The following CUL4A variants were observed in gnomAD, a reference collection of about 807,000 sequenced individuals.
The protein encoded by CUL4A is cullin-4A.
In CUL4A, 16 loss-of-function variants were observed where a neutral mutation model predicts 95.5. The ratio of observed to expected loss-of-function variants is 0.17; its 90% CI spans 0.11 to 0.25. The LOEUF (loss-of-function observed/expected upper bound fraction) is 0.25. Ranked by LOEUF, CUL4A falls within the 10% of genes least tolerant of loss-of-function variation. The pLI is 1.00. For missense variants in CUL4A, 610 were observed against 937.0 expected, an observed-to-expected ratio of 0.65 and a Z score of 4.56; for synonymous variants, 380 against 353.1, an observed-to-expected ratio of 1.08 and a Z score of -0.85.
rs374250725 is a variant in CUL4A at position 113,259,232 on chromosome 13, CTAAAG to C, written c.2032-1371_2032-1367del. ...TTCCTGTATTGCATAGTTAGAACCTCTAAAGTAATGTTTTTAAGGAATAGCAGTGC... is the reference window on the plus strand; with the variant it reads ...TTCCTGTATTGCATAGTTAGAACCTCTAATGTTTTTAAGGAATAGCAGTGC... On this transcript the variant is annotated intron_variant, in intron 18 of 19. Coordinates refer to ENST00000375440, the MANE Select transcript of CUL4A (RefSeq NM_001008895.4). 1.9e-4 allele frequency among the ~76,000 whole-genome samples: 29 copies of C among 152,278 alleles called. No individual in the cohort carries two copies. The South Asian group carries it at 5.8e-3, about 30-fold the overall frequency.
At chr13:113,232,763 A>C (rs2041400359) in intron 5 of CUL4A, among the ~76,000 whole-genome samples, 1 of 152,178 alleles carries the variant, frequency 6.6e-6, no homozygotes, top group South Asian at 2.1e-4. Context: ...AGCAGAGGAC[A>C]CTGGGAAGAG....
rs982185985 is a variant in CUL4A at position 113,213,479 on chromosome 13, G to C, written c.264+3391G>C. Among the ~76,000 whole-genome samples the C allele has an allele frequency of 2.4e-4, 5 of 20,464 alleles. No individual in the cohort carries two copies. In the Non-Finnish European group the frequency reaches 0.017, roughly 68 times the overall value. 13.4% of individuals were successfully genotyped at this position (20,464 alleles called of 152,430 possible). A position where few individuals can be genotyped will look rare whatever the true frequency, so the allele number is the denominator to read the frequency against. ...TAATACAGTTCTTGTACTGTGTCTT[G>C]ACTAGAAACGAGTCCCACCTGAACT... On this transcript the variant is annotated intron_variant, in intron 2 of 19. Transcript: ENST00000375440.
At chr13:113,245,457 A>C (rs1205495904) in intron 14 of CUL4A, among the ~76,000 whole-genome samples, 1 of 152,258 alleles carries the variant, frequency 6.6e-6, no homozygotes, top group African/African-American at 2.4e-5. Context: ...GGCTGAAGTG[A>C]GAAGATCACT....
At chr13:113,209,062 G>C (rs111235921), upstream of CUL4A, 2,819 of 240,672 alleles carry the variant, frequency 0.012, 92 homozygotes, top group African/African-American at 0.062. Context: ...GAGGGACATG[G>C]CGCGCGCTCC....
rs1566343303 is a variant in CUL4A at position 113,232,126 on chromosome 13, T to TGC, written c.513-1051_513-1050insGC. Among the ~76,000 whole-genome samples the TGC allele has an allele frequency of 2.0e-3, 252 of 128,080 alleles. 42 individuals are homozygous for TGC. The highest frequency in any genetic ancestry group is 8.6e-3 in the African/African-American group (209 of 24,348). 84.0% of individuals were successfully genotyped at this position (128,080 alleles called of 152,430 possible). ...CACTACCCGCCCACCACCATTACTG[T>TGC]CACCACTACCCGCCCACCACCATTA... On this transcript the variant is annotated intron_variant, in intron 5 of 19. Coordinates refer to ENST00000375440, the MANE Select transcript of CUL4A (RefSeq NM_001008895.4).
chr13:113,230,763 T>TATC (rs913000660), intron 5 of CUL4A, among the ~76,000 whole-genome samples: 64 of 142,148 alleles, frequency 4.5e-4, no homozygotes, highest in African/African-American at 1.4e-3. Flanking sequence ...TTTCAAAAAT[T>TATC]ATTATTATTA....
chr13:113,224,339 C>G (rs9549359), intron 3 of CUL4A, among the ~76,000 whole-genome samples: 7 of 150,924 alleles, frequency 4.6e-5, no homozygotes, highest in Admixed American at 2.0e-4. Flanking sequence ...GGTGACAGAG[C>G]GAGACTCCAT....
At position 113,229,590 on chromosome 13, in the gene CUL4A, G is replaced by T. The variant is rs770593446; in HGVS notation, c.512+71G>T. On this transcript the variant is annotated intron_variant, in intron 5 of 19. Transcript: ENST00000375440. ...GCTTTTCGTCCCGTTTGTGTCTTCC[G>T]CAGGCTAAGATGGTAAAGTGTGTGT... 9 of 1,268,126 alleles carry T rather than the reference G, an allele frequency of 7.1e-6. No individual in the cohort carries two copies. In the Admixed American group the frequency reaches 7.6e-5, roughly 11 times the overall value. The allele number at this position is 1,268,126 out of a possible 1,614,324, so 78.6% of individuals were successfully genotyped here.
chr13:113,230,877 C>G (rs539485325), intron 5 of CUL4A, among the ~76,000 whole-genome samples: 42 of 152,254 alleles, frequency 2.8e-4, no homozygotes, highest in South Asian at 1.0e-3. Flanking sequence ...CTCAAGTGAT[C>G]TTCCTGCGTT....
chr13:113,237,777 G>T (rs564935104), intron 9 of CUL4A, among the ~76,000 whole-genome samples: 2 of 152,172 alleles, frequency 1.3e-5, no homozygotes, highest in Admixed American at 6.5e-5. Flanking sequence ...TCTGCTTTGG[G>T]TTCTACATTG....
At chr13:113,240,454 G>A (rs1365916039) in intron 10 of CUL4A, among the ~76,000 whole-genome samples, 1 of 152,206 alleles carries the variant, frequency 6.6e-6, no homozygotes, top group Non-Finnish European at 1.5e-5. Context: ...GATAGCTCGT[G>A]TTTTCAGGAT....
chr13:113,244,976 A>T lies in CUL4A; in HGVS notation c.1361A>T (p.Lys454Ile). Residue 454 changes from lysine to isoleucine, a missense_variant, in exon 13 of 20, where the codon AAA becomes ATA. Transcript: ENST00000375440. ...AAAGATGTCTTTGAAGCATTTTATAAAAAAGATTTGGCAAAAAGACTCCTT... is the reference window on the plus strand; with the variant it reads ...AAAGATGTCTTTGAAGCATTTTATATAAAAGATTTGGCAAAAAGACTCCTT... ...HGKDVFEAFYKKDLAKRLLVG... is the reference protein window; with the variant it reads ...HGKDVFEAFYIKDLAKRLLVG... 6.2e-7 allele frequency: 1 copy of T among 1,613,392 alleles called. No homozygotes were observed. The highest frequency in any genetic ancestry group is 8.5e-7 in the Non-Finnish European group (1 of 1,179,264).
chr13:113,208,971 G>A (rs1313369252), upstream of CUL4A: 4 of 1,084,798 alleles, frequency 3.7e-6, no homozygotes, highest in East Asian at 1.9e-4. Flanking sequence ...TCTGCCCCTT[G>A]TGAAAACCAG....
chr13:113,245,821 A>G, intron 14 of CUL4A, 135 bp from the exon 15 acceptor site: 1 of 688,254 alleles, frequency 1.5e-6, no homozygotes, highest in Non-Finnish European at 2.4e-6. Flanking sequence ...GGTTTCATGG[A>G]ATACATTCTG....
At chr13:113,235,224 G>T (rs1293151399) in intron 8 of CUL4A, 79 bp downstream of exon 8, 5 of 973,868 alleles carry the variant, frequency 5.1e-6, no homozygotes, top group Non-Finnish European at 8.1e-6. Flanking sequence ...TGAAATAAAG[G>T]GTGTCTTTGT....
chr13:113,211,522 T>A (rs2040445365), intron 2 of CUL4A, among the ~76,000 whole-genome samples: 1 of 152,212 alleles, frequency 6.6e-6, no homozygotes, highest in African/African-American at 2.4e-5. Context: ...GTCGCTGGGA[T>A]TACAGGCACC....
At chr13:113,260,406 C>T (rs961660660) in intron 18 of CUL4A, among the ~76,000 whole-genome samples, 5 of 151,024 alleles carry the variant, frequency 3.3e-5, no homozygotes, top group African/African-American at 9.7e-5. Context: ...AAAAAGTAGC[C>T]GGGCATGACA....
rs532611820 is a variant in CUL4A at position 113,256,995 on chromosome 13, G to A, written c.2031+1870G>A. ...GGCTGGAGTGCAGTGGTACAATCTC[G>A]CTCACTGCAACCTCCGTCCTCCGGG... On this transcript the variant is annotated intron_variant, in intron 18 of 19. Coordinates refer to ENST00000375440, the MANE Select transcript of CUL4A (RefSeq NM_001008895.4). Among the ~76,000 whole-genome samples the A allele has an allele frequency of 4.8e-3, 559 of 117,522 alleles. 2 individuals are homozygous for A. In the Middle Eastern group the frequency reaches 0.048, roughly 10 times the overall value. The allele number at this position is 117,522 out of a possible 152,430, so 77.1% of individuals were successfully genotyped here.
intron 3 of CUL4A, among the ~76,000 whole-genome samples, chr13:113,220,724 T>C (rs957090996): frequency 1.3e-5 from 2 of 152,202 alleles, no homozygotes; most frequent in Non-Finnish European, 2.9e-5. Context: ...ACTCCTACTC[T>C]GTGGGTTGAC....
Sources: allele counts gnomAD v4.1 joint callset (sites outside exome capture counted in the v4.1 genomes callset), GRCh38; gene constraint gnomAD v4.1.1; transcripts MANE v1.5; gene names NCBI Gene and HGNC (gene_info 2026-07-23, HGNC 2026-07-21).